Variants in AGAP1 observed in about 807,000 individuals in gnomAD.
The protein encoded by AGAP1 is arf-GAP with GTPase, ANK repeat and PH domain-containing protein 1.
AGAP1 carries 29 observed loss-of-function variants against 105.3 expected under a neutral mutation model. That is an observed-to-expected ratio of 0.28 (90% CI 0.21 to 0.38). The LOEUF is 0.38. AGAP1 is among the 10% of genes least tolerant of loss of function. AGAP1 has a pLI of 1.00. For missense variants in AGAP1, 998 were observed against 1,165.1 expected (o/e 0.86, Z 2.09); for synonymous variants, 509 against 485.9 (o/e 1.05, Z -0.63).
In AGAP1 at chr2:235,883,071, C is replaced by T. The variant is rs764935976; in HGVS notation, c.1051-274C>T. Among the ~76,000 whole-genome samples the T allele has an allele frequency of 8.5e-5, 13 of 152,138 alleles. No individual in the cohort carries two copies. The highest frequency in any genetic ancestry group is 1.3e-4 in the Admixed American group (2 of 15,268). On this transcript the variant is annotated intron_variant, in intron 9 of 17. Coordinates refer to ENST00000304032, the MANE Select transcript of AGAP1 (RefSeq NM_001037131.3). The surrounding 1 kb of genome is among the most constrained non-coding windows in gnomAD (Gnocchi z 4.5). ...TCTTGGGCTCAAACGATCCTTACACCGTGCCCAGCCTGGGGTTTCTTTCTT... is the reference window on the plus strand; with the variant it reads ...TCTTGGGCTCAAACGATCCTTACACTGTGCCCAGCCTGGGGTTTCTTTCTT...
rs1022130146 is a variant in AGAP1 at position 235,724,900 on chromosome 2, C to T, written c.310+7256C>T. Among the ~76,000 whole-genome samples the T allele has an allele frequency of 9.2e-5, 14 of 152,178 alleles. No homozygotes were observed. Among genetic ancestry groups the T allele is most frequent in the African/African-American group, 2.7e-4 (11 of 41,436 alleles). The stretch of plus-strand genomic sequence containing the variant: ...TTACATCTCTCCAAGAGAAGCCTTT[C>T]GCTTGTCTGTTTGGTTTATTTGGTT... On this transcript the variant is annotated intron_variant, in intron 3 of 17. Coordinates refer to ENST00000304032, the MANE Select transcript of AGAP1 (RefSeq NM_001037131.3). The surrounding 1 kb of genome is among the most constrained non-coding windows in gnomAD (Gnocchi z 4.9).
At chr2:235,670,719 A>C (rs1442310054) in intron 1 of AGAP1, 1 of 806,664 alleles carries the variant, frequency 1.2e-6, no homozygotes, top group Non-Finnish European at 2.0e-6. Flanking sequence ...GCCTCGGAGA[A>C]GCGCAACACC....
At chr2:235,539,776 TGTTA>T (rs774143161) in intron 1 of AGAP1, among the ~76,000 whole-genome samples, 2 of 152,022 alleles carry the variant, frequency 1.3e-5, no homozygotes, top group Non-Finnish European at 2.9e-5. Context: ...GGGTCACGGG[TGTTA>T]GTTCTGGGTG....
At chr2:235,668,525 G>A (rs1413595865) in intron 1 of AGAP1, among the ~76,000 whole-genome samples, 4 of 152,240 alleles carry the variant, frequency 2.6e-5, no homozygotes, top group African/African-American at 7.2e-5. Flanking sequence ...GGAGAAGGTC[G>A]TGTAAGCATG....
In AGAP1 at chr2:236,123,406, GA is replaced by G. The variant is rs201863506; in HGVS notation, c.2371-506del. Reference sequence around the variant, plus strand: ...CACAGTATAGTAATCAATAAAAAATGAAAAAAATACAAATTATTTGTACAGT... The same window carrying G: ...CACAGTATAGTAATCAATAAAAAATGAAAAAATACAAATTATTTGTACAGT... On this transcript the variant is annotated intron_variant, in intron 17 of 17. Coordinates refer to ENST00000304032, the MANE Select transcript of AGAP1 (RefSeq NM_001037131.3). This position sits in a 1 kb window ranked among gnomAD's most constrained non-coding sequence, Gnocchi z 4.6. Among the ~76,000 whole-genome samples the G allele has an allele frequency of 6.6e-6, 1 of 151,886 alleles. No individual in the cohort carries two copies. Among genetic ancestry groups the G allele is most frequent in the South Asian group, 2.1e-4 (1 of 4,812 alleles).
chr2:235,570,270 C>T (rs1944473391), intron 1 of AGAP1, among the ~76,000 whole-genome samples: 1 of 152,154 alleles, frequency 6.6e-6, no homozygotes, highest in Non-Finnish European at 1.5e-5. Flanking sequence ...GCTGTTGCCA[C>T]CTACAAGCCC....
At chr2:235,767,374 G>A (rs548937126) in intron 6 of AGAP1, among the ~76,000 whole-genome samples, 177 of 152,312 alleles carry the variant, frequency 1.2e-3, no homozygotes, top group Non-Finnish European at 1.9e-3. Flanking sequence ...CAGGCTTCTC[G>A]TGCGCACCAG....
rs541871465 is a variant in AGAP1, at chr2:235,716,303, G to C, written c.223-1254G>C. On this transcript the variant is annotated intron_variant, in intron 2 of 17. Transcript: ENST00000304032. The surrounding 1 kb of genome is among the most constrained non-coding windows in gnomAD (Gnocchi z 4.0). ...GGCTGGGAGGGAGGTAGAGGCGGAA[G>C]CCAGTGTGAGAGTTGGAAGAGAGTG... 1.3e-5 allele frequency among the ~76,000 whole-genome samples: 2 copies of C among 152,318 alleles called. No homozygotes were observed. Among genetic ancestry groups the C allele is most frequent in the South Asian group, 4.1e-4 (2 of 4,826 alleles).
rs377221630 is a variant in AGAP1, at chr2:235,779,394, T to G, written c.674-18365T>G. 2.5e-4 allele frequency among the ~76,000 whole-genome samples: 38 copies of G among 152,354 alleles called. 1 individual carries two copies. Among genetic ancestry groups the G allele is most frequent in the African/African-American group, 8.7e-4 (36 of 41,592 alleles). On this transcript the variant is annotated intron_variant, in intron 6 of 17. Transcript: ENST00000304032. The stretch of plus-strand genomic sequence containing the variant: ...GGGTTGTTTGTAATCTAAAAATAAT[T>G]GGGGATGAATATTGGTTACATTTCA...
chr2:236,053,864 T>G lies in AGAP1; in HGVS notation c.2114+4583T>G, dbSNP rs1352423510. 6.6e-6 allele frequency among the ~76,000 whole-genome samples: 1 copy of G among 152,292 alleles called. No homozygotes were observed. The highest frequency in any genetic ancestry group is 1.5e-5 in the Non-Finnish European group (1 of 68,054). On this transcript the variant is annotated intron_variant, in intron 16 of 17. Transcript: ENST00000304032. This position sits in a 1 kb window ranked among gnomAD's most constrained non-coding sequence, Gnocchi z 4.6. The stretch of plus-strand genomic sequence containing the variant: ...TCACCCATTACCTCTTTGATGCCAC[T>G]TGGAAGGGAACCGAGTTTGCTGATT...
intron 6 of AGAP1, among the ~76,000 whole-genome samples, chr2:235,775,007 A>T (rs562378288): frequency 1.9e-4 from 29 of 152,136 alleles, no homozygotes; most frequent in African/African-American, 6.5e-4. Context: ...TATGGAAGAG[A>T]TTCCCCTGTA....
At chr2:235,667,672 C>T (rs1270436304) in intron 1 of AGAP1, among the ~76,000 whole-genome samples, 2 of 152,088 alleles carry the variant, frequency 1.3e-5, no homozygotes, top group African/African-American at 4.8e-5. Context: ...TCAAAGAGGG[C>T]TTCTTTAGCC....
intron 9 of AGAP1, among the ~76,000 whole-genome samples, chr2:235,859,408 G>A (rs1469839458): frequency 3.9e-3 from 60 of 15,236 alleles, no homozygotes; most frequent in African/African-American, 0.014. Context: ...CCCCCCCCCC[G>A]CCTTTTGTTC....
chr2:235,757,045 A>T (rs1953985710), intron 6 of AGAP1, among the ~76,000 whole-genome samples: 1 of 152,194 alleles, frequency 6.6e-6, no homozygotes. Flanking sequence ...TATGATCTGC[A>T]CTGTGCTAGG....
chr2:235,555,169 G>A lies in AGAP1; in HGVS notation c.163+60320G>A, dbSNP rs191938874. Among the ~76,000 whole-genome samples the A allele has an allele frequency of 2.6e-5, 4 of 152,244 alleles. No individual in the cohort carries two copies. Among genetic ancestry groups the A allele is most frequent in the African/African-American group, 9.6e-5 (4 of 41,554 alleles). On this transcript the variant is annotated intron_variant, in intron 1 of 17. Coordinates refer to ENST00000304032, the MANE Select transcript of AGAP1 (RefSeq NM_001037131.3). This position sits in a 1 kb window ranked among gnomAD's most constrained non-coding sequence, Gnocchi z 5.1. ...TGCTGATTCTTCTTTCCAGATGGAT[G>A]TTTCTAAAGTCTTTCTTAAAGGAGC...
chr2:235,584,902 C>CTTTTTTTT (rs10629736), intron 1 of AGAP1, among the ~76,000 whole-genome samples: 2 of 98,516 alleles, frequency 2.0e-5, no homozygotes, highest in Admixed American at 1.3e-4. Flanking sequence ...AAGTCATTAC[C>CTTTTTTTT]TTTTTTTTTT....
rs534747395 is a variant in AGAP1, at chr2:235,609,323, G to A, written c.164-99856G>A. ...TGAAATTGAGTCCCTAGCAGGAGAA[G>A]TCCCTGTTAAAATGGCCAGAGGACA... On this transcript the variant is annotated intron_variant, in intron 1 of 17. Transcript: ENST00000304032. The surrounding 1 kb of genome is among the most constrained non-coding windows in gnomAD (Gnocchi z 5.1). Among the ~76,000 whole-genome samples the A allele has an allele frequency of 6.6e-5, 10 of 152,280 alleles. No individual in the cohort carries two copies. Among genetic ancestry groups the A allele is most frequent in the African/African-American group, 2.4e-4 (10 of 41,560 alleles).
Position 235,855,641 on chromosome 2 carries a change from C to T in AGAP1, c.1051-27704C>T, listed in dbSNP as rs1267382042. 6.6e-6 allele frequency among the ~76,000 whole-genome samples: 1 copy of T among 152,188 alleles called. No homozygotes were observed. Among genetic ancestry groups the T allele is most frequent in the East Asian group, 1.9e-4 (1 of 5,182 alleles). On this transcript the variant is annotated intron_variant, in intron 9 of 17. Transcript: ENST00000304032. The surrounding 1 kb of genome is among the most constrained non-coding windows in gnomAD (Gnocchi z 5.0). Reference sequence around the variant, plus strand: ...ATATTATAAATACACAGCTACTCATCTCATTCTCTTATCTCCACTGTGCTG... The same window carrying T: ...ATATTATAAATACACAGCTACTCATTTCATTCTCTTATCTCCACTGTGCTG...
intron 9 of AGAP1, among the ~76,000 whole-genome samples, chr2:235,817,288 T>TTC (rs996860652): frequency 3.3e-5 from 5 of 151,934 alleles, no homozygotes; most frequent in African/African-American, 4.8e-5. Context: ...TATGACATGG[T>TTC]TCTGCTTGTT....
Sources: gnomAD v4.1 joint callset for allele counts (sites outside exome capture counted in the v4.1 genomes callset) on GRCh38, gnomAD v4.1.1 for gene constraint, Gnocchi (gnomAD v3.1) non-coding constraint, MANE v1.5 for transcripts, NCBI Gene and HGNC (gene_info 2026-07-23, HGNC 2026-07-21) for gene names.